The following TENM2 variants were observed in gnomAD, a reference collection of about 807,000 sequenced individuals.
The protein encoded by TENM2 is teneurin-2.
In TENM2, 52 loss-of-function variants were observed where a neutral mutation model predicts 245.2. The ratio of observed to expected loss-of-function variants is 0.21; its 90% confidence interval spans 0.17 to 0.27. The LOEUF (loss-of-function observed/expected upper bound fraction) is 0.27. Ranked by LOEUF, TENM2 falls within the 10% of genes least tolerant of loss-of-function variation. TENM2 has a pLI of 1.00. For synonymous variants in TENM2, 1,363 were observed against 1,438.9 expected (o/e 0.95, Z 1.19); for missense variants, 3,046 against 3,666.8 (o/e 0.83, Z 4.37).
chr5:167,191,937 T>C, the TENM2 span, among the ~76,000 whole-genome samples: 12,959 of 152,096 alleles, frequency 0.085, 1,859 homozygotes, highest in African/African-American at 0.29. Context: ...ATCTTGCTGG[T>C]ATACTGACAT....
chr5:167,322,446 C>T (rs538365175), intron 1 of TENM2, among the ~76,000 whole-genome samples: 1 of 152,120 alleles, frequency 6.6e-6, no homozygotes, highest in African/African-American at 2.4e-5. Context: ...ACATTCAAAT[C>T]CCACTGCGTT....
chr5:167,174,609 A>G, the TENM2 span, among the ~76,000 whole-genome samples: 89 of 152,250 alleles, frequency 5.8e-4, no homozygotes, highest in African/African-American at 2.1e-3. Flanking sequence ...TATATATATA[A>G]TGAACACTTC....
At chr5:167,171,024 T>C in the TENM2 span, among the ~76,000 whole-genome samples, 2 of 152,220 alleles carry the variant, frequency 1.3e-5, no homozygotes, top group African/African-American at 2.4e-5. Flanking sequence ...CACAGCTCTG[T>C]CGTGGGTCTT....
At chr5:167,845,727 AC>A (rs1246510864) in intron 2 of TENM2, among the ~76,000 whole-genome samples, 5 of 152,160 alleles carry the variant, frequency 3.3e-5, no homozygotes, top group African/African-American at 1.2e-4. Context: ...GCCTAGACTT[AC>A]CATTCTTAAC....
the TENM2 span, among the ~76,000 whole-genome samples, chr5:167,084,793 C>G: frequency 3.9e-5 from 6 of 152,156 alleles, no homozygotes; most frequent in Admixed American, 3.9e-4. Flanking sequence ...GTATCAAAGC[C>G]CTAACTGATG....
chr5:167,376,762 T>C (rs1468454265), intron 2 of TENM2, among the ~76,000 whole-genome samples: 2 of 152,188 alleles, frequency 1.3e-5, no homozygotes, highest in Non-Finnish European at 2.9e-5. Context: ...ACTTGGCACA[T>C]TTGACACTCT....
In TENM2 at chr5:168,021,891, T is replaced by A. The variant is rs79746433; in HGVS notation, c.1187-25536T>A. ...AATTTCAAAAAAGAAAGGGAAGGGG[T>A]GAGATCTACCCCCTCCTAAGTGGTA... On this transcript the variant is annotated intron_variant, in intron 5 of 28. Transcript: ENST00000518659. Among the ~76,000 whole-genome samples the A allele has an allele frequency of 3.3e-3, 481 of 147,702 alleles. 1 individual carries two copies. The highest frequency in any genetic ancestry group is 0.012 in the African/African-American group (459 of 39,720).
the TENM2 span, among the ~76,000 whole-genome samples, chr5:167,219,855 C>G: frequency 1.8e-3 from 281 of 152,318 alleles, no homozygotes; most frequent in Non-Finnish European, 2.9e-3. Context: ...TTCAACACAC[C>G]TTTCAACTAG....
At chr5:166,996,093 C>T in the TENM2 span, among the ~76,000 whole-genome samples, 21 of 151,978 alleles carry the variant, frequency 1.4e-4, no homozygotes, top group South Asian at 1.5e-3. Flanking sequence ...TCTGTAATCC[C>T]AGCACTTTGG....
At chr5:168,062,545 T>A (rs1389702945) in intron 7 of TENM2, among the ~76,000 whole-genome samples, 1 of 152,122 alleles carries the variant, frequency 6.6e-6, no homozygotes, top group Non-Finnish European at 1.5e-5. Context: ...CCAGAGAAAA[T>A]TGAAAACACC....
At chr5:167,269,487 T>C in the TENM2 span, among the ~76,000 whole-genome samples, 4 of 152,018 alleles carry the variant, frequency 2.6e-5, no homozygotes, top group Non-Finnish European at 4.4e-5. Flanking sequence ...AAGACTTTAA[T>C]GAATATTATA....
chr5:167,651,515 G>A (rs879469410), intron 2 of TENM2, among the ~76,000 whole-genome samples: 1 of 150,714 alleles, frequency 6.6e-6, no homozygotes, highest in Admixed American at 6.6e-5. Context: ...CTCCTCACAT[G>A]CATGCTATTT....
At chr5:167,230,349 A>C in the TENM2 span, among the ~76,000 whole-genome samples, 1 of 152,184 alleles carries the variant, frequency 6.6e-6, no homozygotes, top group Admixed American at 6.5e-5. Context: ...AGCTGATCCC[A>C]GCAAAACAGG....
At chr5:167,528,316 G>A (rs775191162) in intron 2 of TENM2, among the ~76,000 whole-genome samples, 18 of 152,058 alleles carry the variant, frequency 1.2e-4, no homozygotes, top group Non-Finnish European at 2.1e-4. Flanking sequence ...TGCAATATTT[G>A]GCTAAATATT....
chr5:167,251,375 G>A, the TENM2 span, among the ~76,000 whole-genome samples: 1 of 152,122 alleles, frequency 6.6e-6, no homozygotes, highest in East Asian at 1.9e-4. Context: ...AACATTAGCA[G>A]TAATGATGCA....
intron 12 of TENM2, among the ~76,000 whole-genome samples, chr5:168,143,296 TG>T: frequency 6.6e-6 from 1 of 151,952 alleles, no homozygotes; most frequent in South Asian, 2.1e-4. Context: ...ACATTTATTT[TG>T]GGGGGTTCAT....
rs183398439 is a variant in TENM2 at position 167,982,595 on chromosome 5, A to G, written c.948-10349A>G. On this transcript the variant is annotated intron_variant, in intron 4 of 28. Coordinates refer to ENST00000518659, the Ensembl canonical transcript of TENM2. ...TTGTCTCTATTTTTTTAGAGGAGGC[A>G]TCTGAGGACCAGGGAGAATACCTAG... Among the ~76,000 whole-genome samples, 25 of 152,220 alleles carry G rather than the reference A, an allele frequency of 1.6e-4. No homozygotes were observed. The East Asian group carries it at 3.9e-3, about 24-fold the overall frequency.
At chr5:167,956,524 G>A (rs1780572618) in intron 4 of TENM2, among the ~76,000 whole-genome samples, 1 of 152,202 alleles carries the variant, frequency 6.6e-6, no homozygotes, top group Non-Finnish European at 1.5e-5. Flanking sequence ...TAGGAGTGGT[G>A]AGAGAGGGCA....
chr5:167,388,880 T>A (rs922419632), intron 2 of TENM2, among the ~76,000 whole-genome samples: 2 of 152,102 alleles, frequency 1.3e-5, no homozygotes, highest in South Asian at 4.1e-4. Context: ...TATAATTGTG[T>A]TGTGCTTTTT....
Sources: gnomAD v4.1 joint callset for allele counts (sites outside exome capture counted in the v4.1 genomes callset) on GRCh38, gnomAD v4.1.1 for gene constraint, MANE v1.5 for transcripts, NCBI Gene and HGNC (gene_info 2026-07-23, HGNC 2026-07-21) for gene names.